Variants in SORCS3 observed in about 807,000 individuals in gnomAD.
SORCS3 encodes the protein sortilin related VPS10 domain containing receptor 3.
A neutral mutation model predicts 146.3 loss-of-function variants in SORCS3; 57 were observed. The observed-to-expected ratio is 0.39, with a 90% CI of 0.31 to 0.49. The LOEUF (loss-of-function observed/expected upper bound fraction) is 0.49. Among genes scored for constraint, SORCS3 ranks in the 20% least tolerant of loss-of-function variants. The probability of loss-of-function intolerance (pLI) is 0.92; values close to 1 mark genes in which losing one functional copy is unlikely to be tolerated. For missense variants in SORCS3, 1,341 were observed against 1,575.5 expected, an observed-to-expected ratio of 0.85 and a Z score of 2.52; for synonymous variants, 653 against 618.5, an observed-to-expected ratio of 1.06 and a Z score of -0.83.
At chr10:105,017,665 A>G (rs1009716252) in intron 4 of SORCS3, among the ~76,000 whole-genome samples, 2 of 152,210 alleles carry the variant, frequency 1.3e-5, no homozygotes, top group African/African-American at 4.8e-5. Context: ...CTAAAGTGCC[A>G]TGGTCTTCCT....
intron 14 of SORCS3, among the ~76,000 whole-genome samples, chr10:105,179,895 A>G (rs1448441180): frequency 6.6e-6 from 1 of 152,172 alleles, no homozygotes; most frequent in Non-Finnish European, 1.5e-5. Flanking sequence ...TTGAATTGAA[A>G]ACTTATTAAT....
chr10:104,761,968 G>A (rs2017126671), intron 1 of SORCS3, among the ~76,000 whole-genome samples: 2 of 152,112 alleles, frequency 1.3e-5, no homozygotes, highest in Non-Finnish European at 2.9e-5. Context: ...TTTCTATGGA[G>A]ACACATTATG....
At chr10:105,051,279 C>A (rs1330646181) in intron 5 of SORCS3, among the ~76,000 whole-genome samples, 3 of 151,926 alleles carry the variant, frequency 2.0e-5, no homozygotes, top group Non-Finnish European at 4.4e-5. Context: ...TTTTAGACAC[C>A]CGTGTCAGCC....
intron 5 of SORCS3, among the ~76,000 whole-genome samples, chr10:105,043,570 A>G (rs1285576439): frequency 6.6e-6 from 1 of 152,180 alleles, no homozygotes; most frequent in African/African-American, 2.4e-5. Flanking sequence ...TTCTTTCATA[A>G]GAGTTTCTGT....
chr10:105,047,338 G>A (rs1255162993), intron 5 of SORCS3, among the ~76,000 whole-genome samples: 2 of 152,072 alleles, frequency 1.3e-5, no homozygotes, highest in Non-Finnish European at 2.9e-5. Context: ...GCATTCACTT[G>A]TATGGTATCC....
chr10:105,262,181 C>T (rs1363466187), intron 25 of SORCS3, 150 bp from the exon 26 acceptor site: 1 of 658,896 alleles, frequency 1.5e-6, no homozygotes, highest in Non-Finnish European at 2.5e-6. Flanking sequence ...GACCTTGTAG[C>T]CTCATTGTCT....
At chr10:104,643,066 A>G (rs1455212803) in intron 1 of SORCS3, among the ~76,000 whole-genome samples, 1 of 152,142 alleles carries the variant, frequency 6.6e-6, no homozygotes, top group Non-Finnish European at 1.5e-5. Context: ...TCCCTACTAG[A>G]GCCAGATTTG....
chr10:105,171,172 T>G (rs924534515), intron 13 of SORCS3, among the ~76,000 whole-genome samples: 16 of 152,182 alleles, frequency 1.1e-4, no homozygotes, highest in African/African-American at 3.6e-4. Context: ...CTGGGGAAAC[T>G]TTAGCTAGGC....
At chr10:104,726,571 A>G (rs886998992) in intron 1 of SORCS3, among the ~76,000 whole-genome samples, 1 of 151,936 alleles carries the variant, frequency 6.6e-6, no homozygotes, top group Non-Finnish European at 1.5e-5. Context: ...CCATCCCACC[A>G]TATGACGACC....
intron 1 of SORCS3, among the ~76,000 whole-genome samples, chr10:104,754,471 C>T (rs2017023772): frequency 6.6e-6 from 1 of 152,128 alleles, no homozygotes; most frequent in Non-Finnish European, 1.5e-5. Context: ...ACTTTTGCTG[C>T]ATACCTATAG....
chr10:105,165,529 G>A (rs17118671), intron 12 of SORCS3, among the ~76,000 whole-genome samples: 29,203 of 151,968 alleles, frequency 0.19, 2,821 homozygotes, highest in South Asian at 0.24. Flanking sequence ...AAGTACTTAC[G>A]AGACAAAAGC....
intron 1 of SORCS3, among the ~76,000 whole-genome samples, chr10:104,644,351 A>G (rs1291541960): frequency 1.3e-5 from 2 of 152,224 alleles, no homozygotes; most frequent in Non-Finnish European, 2.9e-5. Flanking sequence ...TGTAGGCAAT[A>G]CGAGAGAGAG....
At chr10:104,982,206 C>G (rs188771957) in intron 4 of SORCS3, among the ~76,000 whole-genome samples, 1 of 152,244 alleles carries the variant, frequency 6.6e-6, no homozygotes, top group East Asian at 1.9e-4. Context: ...AGGTGCTTGT[C>G]CCACGCAGGC....
chr10:104,977,359 A>G lies in SORCS3; in HGVS notation c.820A>G (p.Met274Val). The change falls in exon 4 of 27, where the codon ATG becomes GTG. Residue 274 changes from methionine to valine, a missense_variant. By Grantham distance (21) the Met-to-Val change is conservative (BLOSUM62 1). Coordinates refer to ENST00000369701, the MANE Select transcript of SORCS3 (RefSeq NM_014978.3). ...GATTATGCTTCTCAGTGATCCTGAGATGGAGAGCAGCATATTGATCAGCTC... is the reference window on the plus strand; with the variant it reads ...GATTATGCTTCTCAGTGATCCTGAGGTGGAGAGCAGCATATTGATCAGCTC... ...RKIMLLSDPE[M>V]ESSILISSDE... The G allele has an allele frequency of 6.2e-7, 1 of 1,613,232 alleles. No individual in the cohort carries two copies. Among genetic ancestry groups the G allele is most frequent in the Non-Finnish European group, 8.5e-7 (1 of 1,179,602 alleles).
intron 2 of SORCS3, among the ~76,000 whole-genome samples, chr10:104,877,953 T>C: frequency 6.6e-6 from 1 of 152,216 alleles, no homozygotes; most frequent in East Asian, 1.9e-4. Flanking sequence ...TATTTATACA[T>C]ATATACCTCA....
At chr10:105,045,577 C>T (rs535759939) in intron 5 of SORCS3, among the ~76,000 whole-genome samples, 63 of 151,960 alleles carry the variant, frequency 4.1e-4, no homozygotes, top group African/African-American at 1.4e-3. Context: ...AGCTCTAAAC[C>T]GCTTATATTG....
chr10:105,170,054 T>C (rs968187595), intron 13 of SORCS3, among the ~76,000 whole-genome samples: 9 of 152,130 alleles, frequency 5.9e-5, no homozygotes, highest in African/African-American at 2.2e-4. Context: ...TTCCTTGTGC[T>C]GAGGAAAGAA....
At chr10:105,201,377 C>A in intron 16 of SORCS3, 124 bp downstream of exon 16, 2 of 1,178,746 alleles carry the variant, frequency 1.7e-6, no homozygotes, top group Non-Finnish European at 2.4e-6. Context: ...TATCTGCTGG[C>A]CTGTGGGCCC....
chr10:104,853,659 G>T (rs7895087), intron 2 of SORCS3, among the ~76,000 whole-genome samples: 89,848 of 152,004 alleles, frequency 0.59, 26,954 homozygotes, highest in East Asian at 0.84. Flanking sequence ...ACTGTATTTA[G>T]TAGGTAAGAG....
Sources: gnomAD v4.1 joint callset for allele counts (sites outside exome capture counted in the v4.1 genomes callset) on GRCh38, gnomAD v4.1.1 for gene constraint, MANE v1.5 for transcripts, NCBI Gene and HGNC (gene_info 2026-07-23, HGNC 2026-07-21) for gene names.